Variants in IQGAP2 observed in about 807,000 individuals in gnomAD.
IQGAP2 encodes IQ motif containing GTPase activating protein 2, also known as ras GTPase-activating-like protein IQGAP2.
IQGAP2 carries 173 observed loss-of-function variants against 201.3 expected under a neutral mutation model. The ratio of observed to expected loss-of-function variants is 0.86; its 90% CI spans 0.76 to 0.98. IQGAP2 has a LOEUF of 0.98. Ranked by LOEUF, IQGAP2 falls within the 50% of genes least tolerant of loss-of-function variation. The pLI, the probability that IQGAP2 is intolerant of heterozygous loss-of-function variation, is 0.00. For synonymous variants in IQGAP2, 675 were observed against 673.9 expected, an observed-to-expected ratio of 1.00 and a Z score of -0.03; for missense variants, 1,687 against 1,864.8, an observed-to-expected ratio of 0.90 and a Z score of 1.76.
intron 30 of IQGAP2, chr5:76,691,739 C>T (rs1162164780): frequency 6.6e-6 from 1 of 152,170 alleles, no homozygotes; most frequent in Non-Finnish European, 1.5e-5. Context: ...GCAAGGAAGA[C>T]ACATTGTGAT....
At chr5:76,441,306 G>A (rs1009045676) in intron 1 of IQGAP2, among the ~76,000 whole-genome samples, 9 of 152,126 alleles carry the variant, frequency 5.9e-5, no homozygotes, top group Non-Finnish European at 1.2e-4. Context: ...TGAGATGCCC[G>A]TTTATTCTTC....
chr5:76,677,461 T>C, intron 28 of IQGAP2, 111 bp downstream of exon 28: 1 of 894,298 alleles, frequency 1.1e-6, no homozygotes. Context: ...CTAATACTCA[T>C]ATTCTTAACC....
chr5:76,494,405 C>T (rs1756752133), intron 2 of IQGAP2, among the ~76,000 whole-genome samples: 1 of 152,166 alleles, frequency 6.6e-6, no homozygotes, highest in South Asian at 2.1e-4. Context: ...ATAAGGTCCA[C>T]TGGTTCTCTG....
At chr5:76,436,082 TTACTG>T (rs1389367603) in intron 1 of IQGAP2, among the ~76,000 whole-genome samples, 1 of 152,202 alleles carries the variant, frequency 6.6e-6, no homozygotes, top group African/African-American at 2.4e-5. Context: ...ACCTGAGACT[TTACTG>T]AACGCATTTT....
chr5:76,499,139 A>G (rs1453695295), intron 2 of IQGAP2, among the ~76,000 whole-genome samples: 1 of 152,244 alleles, frequency 6.6e-6, no homozygotes, highest in Admixed American at 6.5e-5. Context: ...ATTTGCCACC[A>G]GTGGAGATAG....
chr5:76,483,902 A>G (rs1286748770), intron 2 of IQGAP2, among the ~76,000 whole-genome samples: 1 of 152,222 alleles, frequency 6.6e-6, no homozygotes, highest in Non-Finnish European at 1.5e-5. Flanking sequence ...GCCACAGGAT[A>G]GGCAAGGGTC....
At chr5:76,557,750 A>AT (rs760854923) in intron 2 of IQGAP2, among the ~76,000 whole-genome samples, 7 of 152,200 alleles carry the variant, frequency 4.6e-5, no homozygotes, top group Admixed American at 6.5e-5. Context: ...CCATGGCTAT[A>AT]TTTTAAATAG....
chr5:76,698,589 A>AT (rs1276468587), intron 33 of IQGAP2, among the ~76,000 whole-genome samples: 1 of 152,212 alleles, frequency 6.6e-6, no homozygotes, highest in African/African-American at 2.4e-5. Context: ...GTTTTAAAAA[A>AT]TTATTGACAC....
intron 20 of IQGAP2, 100 bp downstream of exon 20, chr5:76,655,103 A>T (rs1303606196): frequency 2.6e-6 from 2 of 775,356 alleles, no homozygotes; most frequent in Non-Finnish European, 4.3e-6. Flanking sequence ...CTAAGAACAG[A>T]GGATACCCAT....
intron 17 of IQGAP2, among the ~76,000 whole-genome samples, chr5:76,648,935 A>G (rs984073439): frequency 6.6e-6 from 1 of 152,178 alleles, no homozygotes; most frequent in African/African-American, 2.4e-5. Flanking sequence ...AAGATTTGAC[A>G]TTTGTGTCAT....
intron 2 of IQGAP2, among the ~76,000 whole-genome samples, chr5:76,519,836 T>C (rs1758556831): frequency 6.6e-6 from 1 of 152,228 alleles, no homozygotes; most frequent in Admixed American, 6.5e-5. Context: ...TTTTATTTGC[T>C]CATTTGGTAA....
chr5:76,488,120 G>A (rs1415750467), intron 2 of IQGAP2, among the ~76,000 whole-genome samples: 1 of 152,220 alleles, frequency 6.6e-6, no homozygotes, highest in Non-Finnish European at 1.5e-5. Context: ...AGCACTGGAT[G>A]TAATAATGGA....
intron 32 of IQGAP2, among the ~76,000 whole-genome samples, chr5:76,696,418 G>C (rs1580845356): frequency 6.6e-6 from 1 of 152,190 alleles, no homozygotes; most frequent in African/African-American, 2.4e-5. Context: ...GAAACTTCCT[G>C]AGCAAAGGAT....
At chr5:76,561,494 G>A (rs939347687) in intron 2 of IQGAP2, among the ~76,000 whole-genome samples, 2 of 152,142 alleles carry the variant, frequency 1.3e-5, no homozygotes, top group East Asian at 1.9e-4. Flanking sequence ...TGGTGCTCAC[G>A]CTAATAGTTG....
At chr5:76,627,118 G>A (rs1750317091) in intron 13 of IQGAP2, among the ~76,000 whole-genome samples, 1 of 152,134 alleles carries the variant, frequency 6.6e-6, no homozygotes, top group African/African-American at 2.4e-5. Context: ...TCTGTAGAGG[G>A]CCACTGTGGT....
At chr5:76,601,012 G>A (rs757125662) in intron 11 of IQGAP2, 40 bp downstream of exon 11, 3 of 1,587,418 alleles carry the variant, frequency 1.9e-6, no homozygotes, top group Non-Finnish European at 2.6e-6. Context: ...ATGCAGAAAT[G>A]CATGTTTGGC....
At chr5:76,573,226 T>C (rs1561474559) in intron 4 of IQGAP2, among the ~76,000 whole-genome samples, 1 of 152,238 alleles carries the variant, frequency 6.6e-6, no homozygotes, top group Non-Finnish European at 1.5e-5. Context: ...CTTTTCAAAT[T>C]GTATGTATTT....
At chr5:76,488,587 C>T (rs1236446046) in intron 2 of IQGAP2, among the ~76,000 whole-genome samples, 4 of 152,164 alleles carry the variant, frequency 2.6e-5, no homozygotes, top group Non-Finnish European at 5.9e-5. Context: ...GTCAGAGAAA[C>T]TGAGATTCAA....
intron 17 of IQGAP2, among the ~76,000 whole-genome samples, chr5:76,650,893 C>A (rs186149463): frequency 6.6e-6 from 1 of 152,162 alleles, no homozygotes; most frequent in East Asian, 1.9e-4. Context: ...GTATTACAAA[C>A]AATGCTGTGA....
Sources: allele counts gnomAD v4.1 joint callset (sites outside exome capture counted in the v4.1 genomes callset), GRCh38; gene constraint gnomAD v4.1.1; transcripts MANE v1.5; gene names NCBI Gene and HGNC (gene_info 2026-07-23, HGNC 2026-07-21).